Variants in NKAIN3 observed in about 807,000 individuals in gnomAD.
The protein encoded by NKAIN3 is sodium/potassium transporting ATPase interacting 3.
Under a neutral mutation model 30.2 loss-of-function variants are expected in NKAIN3, and 25 were observed. The ratio of observed to expected loss-of-function variants is 0.83; its 90% CI spans 0.60 to 1.16. The LOEUF (loss-of-function observed/expected upper bound fraction) is 1.16, where lower values mean the gene tolerates loss of function less well. Among genes scored for constraint, NKAIN3 ranks in the 50% most tolerant of loss-of-function variants. The probability of loss-of-function intolerance (pLI) is 0.00; values close to 1 mark genes in which losing one functional copy is unlikely to be tolerated. For missense variants in NKAIN3, 225 were observed against 254.1 expected (o/e 0.89, Z 0.78); for synonymous variants, 91 against 89.6 (o/e 1.02, Z -0.09).
In NKAIN3 at chr8:62,252,059, G is replaced by A. The variant is rs981516842; in HGVS notation, c.54+2932G>A. Among the ~76,000 whole-genome samples the A allele has an allele frequency of 4.6e-5, 7 of 152,060 alleles. No individual in the cohort carries two copies. In the East Asian group the frequency reaches 5.8e-4, roughly 13 times the overall value. On this transcript the variant is annotated intron_variant, in intron 1 of 6. Transcript: ENST00000623646. ...CAAAACCAATTCTAACTCTGAGCCC[G>A]TATAAGCCTGCTTCAGCATATCATA...
At position 62,848,655 on chromosome 8, in the gene NKAIN3, T is replaced by A. The variant is rs540935142; in HGVS notation, c.472-69798T>A. Among the ~76,000 whole-genome samples the A allele has an allele frequency of 1.1e-4, 16 of 152,284 alleles. No individual in the cohort carries two copies. The East Asian group carries it at 3.1e-3, about 29-fold the overall frequency. ...TCCTCTCTTCCTATTTGAATCCTCT[T>A]TATTTCTTTCTCTTGCCTGATTGCC... On this transcript the variant is annotated intron_variant, in intron 4 of 6. Coordinates refer to ENST00000623646, the MANE Select transcript of NKAIN3 (RefSeq NM_001304533.3).
At chr8:62,697,287 C>T (rs757985524) in intron 3 of NKAIN3, among the ~76,000 whole-genome samples, 14 of 152,324 alleles carry the variant, frequency 9.2e-5, no homozygotes, top group South Asian at 2.1e-4. Flanking sequence ...TACTTGCCTA[C>T]TCTGTTCCAG....
intron 4 of NKAIN3, among the ~76,000 whole-genome samples, chr8:62,797,575 C>A (rs1817901666): frequency 6.6e-6 from 1 of 152,044 alleles, no homozygotes. Flanking sequence ...TCATGTCTGG[C>A]AGAGAGTCTC....
chr8:62,603,658 C>A (rs1324944858), intron 3 of NKAIN3, among the ~76,000 whole-genome samples: 3 of 152,062 alleles, frequency 2.0e-5, no homozygotes, highest in Non-Finnish European at 4.4e-5. Flanking sequence ...TCAGATTGAA[C>A]TTAATTAGTG....
intron 3 of NKAIN3, among the ~76,000 whole-genome samples, chr8:62,661,650 A>G (rs1433561265): frequency 6.6e-6 from 1 of 152,016 alleles, no homozygotes; most frequent in Non-Finnish European, 1.5e-5. Context: ...GGCTATAAGG[A>G]AAGCTTCTCA....
At chr8:62,622,233 A>C (rs1811640346) in intron 3 of NKAIN3, among the ~76,000 whole-genome samples, 1 of 152,034 alleles carries the variant, frequency 6.6e-6, no homozygotes, top group Non-Finnish European at 1.5e-5. Flanking sequence ...ATTGTGAATG[A>C]AACTGCTATG....
chr8:62,368,282 T>C (rs1167469065), intron 1 of NKAIN3, among the ~76,000 whole-genome samples: 1 of 152,172 alleles, frequency 6.6e-6, no homozygotes, highest in Non-Finnish European at 1.5e-5. Flanking sequence ...GCTTGAAATA[T>C]CATAGTACTT....
In NKAIN3 at chr8:62,965,794, A is replaced by G. The variant is rs1318416604; in HGVS notation, c.*387A>G. The G allele has an allele frequency of 2.0e-6, 2 of 985,220 alleles. No individual in the cohort carries two copies. The highest frequency in any genetic ancestry group is 3.5e-5 in the African/African-American group (2 of 57,240). The allele number at this position is 985,220 out of a possible 1,614,324, so 61.0% of individuals were successfully genotyped here. On this transcript the variant is annotated 3_prime_UTR_variant, in exon 7 of 7. Coordinates refer to ENST00000623646, the MANE Select transcript of NKAIN3 (RefSeq NM_001304533.3). Reference sequence around the variant, plus strand: ...GTCAGCACTGCTGACTGTTGAAGTTATTCTAGGCCTGATGAATTTGTTTTA... The same window carrying G: ...GTCAGCACTGCTGACTGTTGAAGTTGTTCTAGGCCTGATGAATTTGTTTTA...
intron 4 of NKAIN3, among the ~76,000 whole-genome samples, chr8:62,902,835 A>G (rs548359197): frequency 6.6e-6 from 1 of 152,322 alleles, no homozygotes; most frequent in South Asian, 2.1e-4. Flanking sequence ...ACATGAAATG[A>G]TCTACTTAAA....
intron 4 of NKAIN3, among the ~76,000 whole-genome samples, chr8:62,804,379 A>G (rs1439409540): frequency 2.0e-5 from 3 of 152,254 alleles, no homozygotes; most frequent in Non-Finnish European, 4.4e-5. Flanking sequence ...ATCCTTGATG[A>G]ACATTGATGC....
rs1824001684 is a variant in NKAIN3, at chr8:62,978,626, A to G, written c.*13219A>G. ...TGCTGTGCTGGAAGTAAGAATTTCA[A>G]TCCAGTGGATCTTAGCTTTCTGGGC... On this transcript the variant is annotated 3_prime_UTR_variant, in exon 7 of 7. Transcript: ENST00000623646. 1 of 152,502 alleles carries G rather than the reference A, an allele frequency of 6.6e-6. No homozygotes were observed. The highest frequency in any genetic ancestry group is 1.9e-4 in the East Asian group (1 of 5,176). The allele number at this position is 152,502 out of a possible 1,614,324, so 9.4% of individuals were successfully genotyped here.
intron 1 of NKAIN3, among the ~76,000 whole-genome samples, chr8:62,307,305 T>A (rs1182136527): frequency 6.7e-6 from 1 of 148,662 alleles, no homozygotes; most frequent in East Asian, 1.9e-4. Flanking sequence ...TCAATGGAAA[T>A]CAAGCCAAAA....
At chr8:62,731,390 A>G (rs73266969) in intron 3 of NKAIN3, among the ~76,000 whole-genome samples, 342 of 152,248 alleles carry the variant, frequency 2.2e-3, no homozygotes, top group African/African-American at 7.9e-3. Context: ...CTTTTCTCTT[A>G]CACTGAAAAT....
At chr8:62,991,779 A>G (rs1315913793) in intron 5 of NKAIN3, among the ~76,000 whole-genome samples, 1 of 152,206 alleles carries the variant, frequency 6.6e-6, no homozygotes, top group African/African-American at 2.4e-5. Flanking sequence ...AGAAGACTGG[A>G]TATCTCCTGT....
rs117099387 is a variant in NKAIN3 at position 62,667,671 on chromosome 8, T to A, written c.273+77877T>A. ...TCCATGCTCGCCACCCCGCTGGTGC[T>A]TTCCTCACCACATCCACAGTGATCT... is the stretch of plus-strand genomic sequence containing the variant. On this transcript the variant is annotated intron_variant, in intron 3 of 6. Coordinates refer to ENST00000623646, the MANE Select transcript of NKAIN3 (RefSeq NM_001304533.3). 1.4e-3 allele frequency among the ~76,000 whole-genome samples: 209 copies of A among 152,148 alleles called. 6 individuals carry two copies. The East Asian group carries it at 0.035, about 25-fold the overall frequency.
At chr8:62,521,200 A>G (rs1054126530) in intron 1 of NKAIN3, among the ~76,000 whole-genome samples, 2 of 151,928 alleles carry the variant, frequency 1.3e-5, no homozygotes, top group Non-Finnish European at 2.9e-5. Context: ...GATCGCACCA[A>G]TCGTCTCTCA....
chr8:62,907,512 GC>G (rs1424034847), intron 4 of NKAIN3, among the ~76,000 whole-genome samples: 1 of 152,122 alleles, frequency 6.6e-6, no homozygotes, highest in Non-Finnish European at 1.5e-5. Context: ...GGTCTTCATG[GC>G]AGCGCCCCCC....
intron 3 of NKAIN3, 81 bp downstream of exon 3, chr8:62,589,875 TTGTGTGTGTGTGTGTGTG>T (rs35791396): frequency 2.6e-4 from 110 of 428,818 alleles, no homozygotes; most frequent in Middle Eastern, 5.6e-4. Context: ...TATAGGTATA[TTGTGTGTGTGTGTGTGTG>T]TGTGTGTGTG....
chr8:62,933,190 A>T (rs992856121), intron 5 of NKAIN3, among the ~76,000 whole-genome samples: 1 of 152,186 alleles, frequency 6.6e-6, no homozygotes, highest in African/African-American at 2.4e-5. Context: ...AGGGAAAAGG[A>T]TTTATAAAAG....
Sources: gnomAD v4.1 joint callset for allele counts (sites outside exome capture counted in the v4.1 genomes callset) on GRCh38, gnomAD v4.1.1 for gene constraint, MANE v1.5 for transcripts, NCBI Gene and HGNC (gene_info 2026-07-23, HGNC 2026-07-21) for gene names.